Variants in RSPO2 observed in about 807,000 individuals in gnomAD.
RSPO2 encodes R-spondin-2.
In RSPO2, 14 loss-of-function variants were observed where a neutral mutation model predicts 30.9. The observed-to-expected ratio is 0.45, with a 90% CI of 0.30 to 0.71. RSPO2 has a LOEUF of 0.71. Among genes scored for constraint, RSPO2 ranks in the 30% least tolerant of loss-of-function variants. The probability of loss-of-function intolerance (pLI) is 0.08; values close to 1 mark genes in which losing one functional copy is unlikely to be tolerated. For missense variants in RSPO2, 264 were observed against 301.9 expected (o/e 0.87, Z 0.93); for synonymous variants, 107 against 96.4 (o/e 1.11, Z -0.64).
chr8:108,020,300 G>A (rs1418235743), intron 2 of RSPO2, among the ~76,000 whole-genome samples: 1 of 151,988 alleles, frequency 6.6e-6, no homozygotes, highest in African/African-American at 2.4e-5. Context: ...CAGAACTTGG[G>A]CAACTCTACC....
rs117673993 is a variant in RSPO2 at position 107,918,020 on chromosome 8, A to G, written c.617-16830T>C. The stretch of plus-strand genomic sequence containing the variant: ...TAGAGAATGTGACGTTAGAATAGAG[A>G]AAAAGACTTTTGGGACTCTCATGGA... On this transcript the variant is annotated intron_variant, in intron 5 of 5. Transcript: ENST00000276659. Among the ~76,000 whole-genome samples the G allele has an allele frequency of 6.8e-3, 1,039 of 152,282 alleles. 28 individuals carry two copies. Among genetic ancestry groups the G allele is most frequent in the Admixed American group, 0.048 (738 of 15,278 alleles).
At chr8:108,026,633 G>C (rs556956263) in intron 2 of RSPO2, among the ~76,000 whole-genome samples, 2 of 152,204 alleles carry the variant, frequency 1.3e-5, no homozygotes, top group South Asian at 4.2e-4. Flanking sequence ...TTGGGAGGCC[G>C]AGGCAGGTGG....
At chr8:107,912,701 G>A (rs1811861680) in intron 5 of RSPO2, among the ~76,000 whole-genome samples, 1 of 152,094 alleles carries the variant, frequency 6.6e-6, no homozygotes, top group Non-Finnish European at 1.5e-5. Context: ...ATCAAGTTTG[G>A]GGCTTCTGCC....
intron 5 of RSPO2, among the ~76,000 whole-genome samples, chr8:107,911,806 G>A (rs558001661): frequency 1.3e-5 from 2 of 152,258 alleles, no homozygotes; most frequent in South Asian, 4.1e-4. Context: ...TTCCACTATA[G>A]TCTTCGGATC....
At chr8:108,041,784 C>T (rs1811765950) in intron 2 of RSPO2, among the ~76,000 whole-genome samples, 1 of 151,950 alleles carries the variant, frequency 6.6e-6, no homozygotes, top group African/African-American at 2.4e-5. Context: ...GAAAAAGAGG[C>T]TCCAAGGAGA....
chr8:107,941,567 G>T (rs1812897890), intron 5 of RSPO2, among the ~76,000 whole-genome samples: 1 of 152,114 alleles, frequency 6.6e-6, no homozygotes, highest in South Asian at 2.1e-4. Flanking sequence ...AAACATAAAT[G>T]AAAGCTATCA....
chr8:108,008,616 C>T (rs1271024924), intron 2 of RSPO2, among the ~76,000 whole-genome samples: 1 of 152,038 alleles, frequency 6.6e-6, no homozygotes, highest in African/African-American at 2.4e-5. Context: ...AAGTAACATG[C>T]TTAAATTATA....
chr8:107,995,278 G>T (rs1310367846), intron 2 of RSPO2, among the ~76,000 whole-genome samples: 2 of 151,980 alleles, frequency 1.3e-5, no homozygotes, highest in African/African-American at 2.4e-5. Flanking sequence ...TGCAATTGTT[G>T]GGGGGCAGAG....
intron 2 of RSPO2, among the ~76,000 whole-genome samples, chr8:108,019,786 T>C (rs1041986903): frequency 6.6e-6 from 1 of 152,150 alleles, no homozygotes; most frequent in Non-Finnish European, 1.5e-5. Flanking sequence ...CTGACAAATA[T>C]AGTAGTCCCT....
chr8:107,910,391 C>G (rs1314139152), intron 5 of RSPO2, among the ~76,000 whole-genome samples: 1 of 152,158 alleles, frequency 6.6e-6, no homozygotes, highest in African/African-American at 2.4e-5. Flanking sequence ...GATAATGAGA[C>G]TGGGCATGGT....
At chr8:108,061,707 G>A (rs201771356) in intron 2 of RSPO2, among the ~76,000 whole-genome samples, 1 of 151,624 alleles carries the variant, frequency 6.6e-6, no homozygotes, top group South Asian at 2.1e-4. Context: ...TACAGAACTC[G>A]CCACCCCAAA....
At chr8:108,022,906 C>G (rs1337147461) in intron 2 of RSPO2, among the ~76,000 whole-genome samples, 2 of 130,616 alleles carry the variant, frequency 1.5e-5, no homozygotes, top group African/African-American at 6.0e-5. Flanking sequence ...GCCTGGACAA[C>G]AAGAACAAAA....
chr8:108,060,424 A>C (rs1812414629), intron 2 of RSPO2, among the ~76,000 whole-genome samples: 1 of 151,886 alleles, frequency 6.6e-6, no homozygotes, highest in Non-Finnish European at 1.5e-5. Flanking sequence ...AACTGGAAAA[A>C]GGGTATCAGT....
chr8:108,076,040 A>G (rs977945699), intron 2 of RSPO2, among the ~76,000 whole-genome samples: 2 of 152,212 alleles, frequency 1.3e-5, no homozygotes, highest in African/African-American at 4.8e-5. Context: ...AATCTAAGAA[A>G]CTATGAGGGA....
chr8:107,909,090 C>G lies in RSPO2; in HGVS notation c.617-7900G>C, dbSNP rs78812405. Reference sequence around the variant, plus strand: ...GTGGAAAGACAGCAAATATACTAGGCAATTTGCTAGGCCCTGCTGTAGTCC... The same window carrying G: ...GTGGAAAGACAGCAAATATACTAGGGAATTTGCTAGGCCCTGCTGTAGTCC... On this transcript the variant is annotated intron_variant, in intron 5 of 5. Coordinates refer to ENST00000276659, the MANE Select transcript of RSPO2 (RefSeq NM_178565.5). 6.2e-3 allele frequency among the ~76,000 whole-genome samples: 949 copies of G among 152,120 alleles called. 9 individuals are homozygous for G. Among genetic ancestry groups the G allele is most frequent in the African/African-American group, 0.022 (910 of 41,486 alleles).
chr8:107,968,532 AG>A (rs1488101627), intron 3 of RSPO2, among the ~76,000 whole-genome samples: 5 of 152,124 alleles, frequency 3.3e-5, no homozygotes, highest in African/African-American at 1.2e-4. Context: ...ATAGTACAGT[AG>A]GAAAAACTAT....
chr8:107,915,563 T>A (rs1031216899), intron 5 of RSPO2, among the ~76,000 whole-genome samples: 2 of 152,020 alleles, frequency 1.3e-5, no homozygotes, highest in African/African-American at 4.8e-5. Flanking sequence ...TGGTTAGGGA[T>A]CTGATTTGGA....
In RSPO2 at chr8:107,973,423, C is replaced by G. The variant is rs552036619; in HGVS notation, c.284-12606G>C. On this transcript the variant is annotated intron_variant, in intron 3 of 5. Transcript: ENST00000276659. Reference sequence around the variant, plus strand: ...CAATGCAGGTTTGACCTATATCGGTCTGCTTTATGAAAGAAAAAAGAATCT... The same window carrying G: ...CAATGCAGGTTTGACCTATATCGGTGTGCTTTATGAAAGAAAAAAGAATCT... Among the ~76,000 whole-genome samples, 292 of 152,096 alleles carry G rather than the reference C, an allele frequency of 1.9e-3. 1 individual carries two copies. Among genetic ancestry groups the G allele is most frequent in the Non-Finnish European group, 3.8e-3 (255 of 67,978 alleles).
At chr8:107,955,541 A>G (rs1200768626) in intron 5 of RSPO2, among the ~76,000 whole-genome samples, 1 of 152,186 alleles carries the variant, frequency 6.6e-6, no homozygotes, top group Admixed American at 6.5e-5. Context: ...GATCTACTAA[A>G]GATATTTCCA....
Sources: allele counts gnomAD v4.1 joint callset (sites outside exome capture counted in the v4.1 genomes callset), GRCh38; gene constraint gnomAD v4.1.1; transcripts MANE v1.5; gene names NCBI Gene and HGNC (gene_info 2026-07-23, HGNC 2026-07-21).